Variants in CPS1 observed in about 807,000 individuals in gnomAD.
CPS1 encodes carbamoyl-phosphate synthase 1.
Under a neutral mutation model 174.6 loss-of-function variants are expected in CPS1, and 109 were observed. The ratio of observed to expected loss-of-function variants is 0.62; its 90% confidence interval spans 0.53 to 0.73. CPS1 has a LOEUF of 0.73. Among genes scored for constraint, CPS1 ranks in the 30% least tolerant of loss-of-function variants. The pLI, the probability that CPS1 is intolerant of heterozygous loss-of-function variation, is 0.00. For synonymous variants in CPS1, 637 were observed against 632.0 expected, an observed-to-expected ratio of 1.01 and a Z score of -0.12; for missense variants, 1,689 against 1,821.9, an observed-to-expected ratio of 0.93 and a Z score of 1.33.
intron 20 of CPS1, 130 bp downstream of exon 20, chr2:210,612,423 A>G: frequency 1.2e-6 from 1 of 855,772 alleles, no homozygotes; most frequent in Non-Finnish European, 1.9e-6. Context: ...TAATTCTTTT[A>G]TAGTATTAAA....
rs755781758 is a variant in CPS1, at chr2:210,605,212, C to T, written c.1947C>T (p.Asn649=). The T allele has an allele frequency of 1.2e-6, 2 of 1,612,046 alleles. No individual in the cohort carries two copies. Among genetic ancestry groups the T allele is most frequent in the Admixed American group, 3.3e-5 (2 of 59,842 alleles). ...ATGACAATTGTGTCACTGTCTGTAA[C>T]ATGGAAAATGTTGATGCCATGGGTG... is the stretch of plus-strand genomic sequence containing the variant. ...DADDNCVTVC[N]MENVDAMGVH... is the part of the protein sequence containing the mutation. Residue 649 remains asparagine (N), a synonymous_variant, in exon 17 of 38, where the codon AAC becomes AAT. Transcript: ENST00000233072.
chr2:210,672,370 A>G (rs550101003), intron 34 of CPS1: 20 of 152,278 alleles, frequency 1.3e-4, no homozygotes, highest in African/African-American at 4.3e-4. Context: ...TGAGCCTTCT[A>G]ATGTGATTTG....
At chr2:210,522,706 A>G (rs182012060) in intron 1 of CPS1, among the ~76,000 whole-genome samples, 4 of 152,094 alleles carry the variant, frequency 2.6e-5, no homozygotes, top group Non-Finnish European at 5.9e-5. Flanking sequence ...TCTTGGGTTC[A>G]TGGACCTCAT....
intron 1 of CPS1, among the ~76,000 whole-genome samples, chr2:210,548,631 C>T (rs1696625909): frequency 6.6e-6 from 1 of 151,970 alleles, no homozygotes; most frequent in African/African-American, 2.4e-5. Flanking sequence ...GGGTTGGCTT[C>T]CTTTTGTCTT....
chr2:210,639,212 T>C lies in CPS1; in HGVS notation c.2892T>C (p.Gly964=). 1 of 1,611,418 alleles carries C rather than the reference T, an allele frequency of 6.2e-7. No individual in the cohort carries two copies. Among genetic ancestry groups the C allele is most frequent in the Non-Finnish European group, 8.5e-7 (1 of 1,177,738 alleles). The change falls in exon 23 of 38, where the codon GGT becomes GGC. Residue 964 remains glycine (G), a synonymous_variant. Transcript: ENST00000233072. ...VTNYLYVTYN[G]QEHDVNFDDH... ...ACTATCTCTATGTTACCTACAATGG[T>C]CAGGTAGGAATGGGCAAATTGGCCT...
chr2:210,588,312 A>C (rs1464876598), intron 7 of CPS1, among the ~76,000 whole-genome samples, 165 bp downstream of exon 7: 2 of 151,966 alleles, frequency 1.3e-5, no homozygotes, highest in Non-Finnish European at 2.9e-5. Flanking sequence ...ATCCCTGTTC[A>C]AATTAAAAAT....
At chr2:210,531,281 G>A (rs2106000424) in intron 1 of CPS1, among the ~76,000 whole-genome samples, 1 of 152,158 alleles carries the variant, frequency 6.6e-6, no homozygotes, top group Non-Finnish European at 1.5e-5. Flanking sequence ...ATAATTCTCT[G>A]CCAGTTTGTA....
chr2:210,607,034 A>G (rs1360562575), intron 18 of CPS1, 93 bp downstream of exon 18: 9 of 1,134,394 alleles, frequency 7.9e-6, no homozygotes, highest in Non-Finnish European at 1.0e-5. Context: ...TGCATTTACA[A>G]ACTATGTTCC....
At chr2:210,536,594 G>A (rs552524584) in intron 1 of CPS1, among the ~76,000 whole-genome samples, 1 of 152,140 alleles carries the variant, frequency 6.6e-6, no homozygotes, top group African/African-American at 2.4e-5. Flanking sequence ...CCAAAGTGCT[G>A]GGATTACAGG....
chr2:210,494,770 T>G (rs895013628), intron 1 of CPS1, among the ~76,000 whole-genome samples: 1 of 152,230 alleles, frequency 6.6e-6, no homozygotes, highest in South Asian at 2.1e-4. Context: ...CACTGAAGTA[T>G]GCACTGCATA....
chr2:210,537,632 T>C (rs1696291688), intron 1 of CPS1, among the ~76,000 whole-genome samples: 1 of 152,206 alleles, frequency 6.6e-6, no homozygotes, highest in Non-Finnish European at 1.5e-5. Context: ...TACCATTGAT[T>C]TGTAGTAAGT....
In CPS1 at chr2:210,635,858, A is replaced by G. The variant is rs184362573; in HGVS notation, c.2688-1844A>G. On this transcript the variant is annotated intron_variant, in intron 21 of 37. Coordinates refer to ENST00000233072, the MANE Select transcript of CPS1 (RefSeq NM_001875.5). Reference sequence around the variant, plus strand: ...AAGAGAATTTAGGTGCAATAGAAAAAGCAAATTGACTAGGAAGAGCTGTAG... The same window carrying G: ...AAGAGAATTTAGGTGCAATAGAAAAGGCAAATTGACTAGGAAGAGCTGTAG... Among the ~76,000 whole-genome samples the G allele has an allele frequency of 5.9e-5, 9 of 152,330 alleles. No homozygotes were observed. In the East Asian group the frequency reaches 1.7e-3, roughly 29 times the overall value.
At chr2:210,663,903 C>T (rs183801671) in intron 33 of CPS1, among the ~76,000 whole-genome samples, 2 of 151,988 alleles carry the variant, frequency 1.3e-5, no homozygotes, top group East Asian at 1.9e-4. Flanking sequence ...AGTGCATATC[C>T]GAGTGGCAAT....
chr2:210,677,671 T>G (rs991185148), intron 37 of CPS1, among the ~76,000 whole-genome samples: 4 of 152,198 alleles, frequency 2.6e-5, no homozygotes, highest in African/African-American at 9.7e-5. Flanking sequence ...GGAGGAGAAA[T>G]AAGCGTATTC....
intron 1 of CPS1, among the ~76,000 whole-genome samples, chr2:210,485,861 T>C (rs1214945017): frequency 1.3e-5 from 2 of 152,010 alleles, no homozygotes; most frequent in Non-Finnish European, 2.9e-5. Context: ...CCAAAATGAT[T>C]GTACCATTTC....
intron 1 of CPS1, among the ~76,000 whole-genome samples, chr2:210,519,130 T>C (rs1695755155): frequency 6.6e-6 from 1 of 152,040 alleles, no homozygotes; most frequent in South Asian, 2.1e-4. Flanking sequence ...AAGTTGTTCC[T>C]TGCTCTTTGT....
chr2:210,527,739 G>A (rs944204221), intron 1 of CPS1, among the ~76,000 whole-genome samples: 2 of 151,710 alleles, frequency 1.3e-5, no homozygotes, highest in Non-Finnish European at 2.9e-5. Context: ...ATGAAGTATC[G>A]TGGTAAGTAT....
intron 1 of CPS1, among the ~76,000 whole-genome samples, chr2:210,523,986 T>A (rs1695903330): frequency 1.3e-5 from 2 of 151,994 alleles, no homozygotes. Context: ...TCTATGATAG[T>A]CATTACTTTT....
chr2:210,537,556 G>A (rs1468100163), intron 1 of CPS1, among the ~76,000 whole-genome samples: 2 of 152,210 alleles, frequency 1.3e-5, no homozygotes, highest in Non-Finnish European at 2.9e-5. Context: ...CAGGTGTACT[G>A]TTCAAGTGCT....
Sources: gnomAD v4.1 joint callset for allele counts (sites outside exome capture counted in the v4.1 genomes callset) on GRCh38, gnomAD v4.1.1 for gene constraint, MANE v1.5 for transcripts, NCBI Gene and HGNC (gene_info 2026-07-23, HGNC 2026-07-21) for gene names.